RIMBP2: variants seen among roughly 807,000 people sequenced by gnomAD.
The protein encoded by RIMBP2 is RIMS-binding protein 2.
Under a neutral mutation model 118.6 loss-of-function variants are expected in RIMBP2, and 48 were observed. That is an observed-to-expected ratio of 0.40 (90% CI 0.32 to 0.51). The LOEUF is 0.51. Among genes scored for constraint, RIMBP2 ranks in the 20% least tolerant of loss-of-function variants. The pLI is 0.41. For missense variants in RIMBP2, 1,551 were observed against 1,768.3 expected, an observed-to-expected ratio of 0.88 and a Z score of 2.20; for synonymous variants, 762 against 742.9, an observed-to-expected ratio of 1.03 and a Z score of -0.42.
chr12:130,612,811 A>ACAC (rs1172382580), intron 2 of RIMBP2, among the ~76,000 whole-genome samples: 1 of 152,152 alleles, frequency 6.6e-6, no homozygotes, highest in Non-Finnish European at 1.5e-5. Context: ...CATCCGGGTG[A>ACAC]AGCAAGGTAC....
At chr12:130,480,411 GC>G (rs1435120666) in intron 4 of RIMBP2, among the ~76,000 whole-genome samples, 1 of 152,150 alleles carries the variant, frequency 6.6e-6, no homozygotes, top group Admixed American at 6.5e-5. Flanking sequence ...CCACGGGCCT[GC>G]CCCCCATGTC....
At chr12:130,401,805 G>C (rs970174853) in intron 21 of RIMBP2, among the ~76,000 whole-genome samples, 1 of 152,106 alleles carries the variant, frequency 6.6e-6, no homozygotes, top group East Asian at 1.9e-4. Context: ...TTCTCTGCCA[G>C]CCTTAGAAAA....
intron 2 of RIMBP2, among the ~76,000 whole-genome samples, chr12:130,614,029 G>A (rs996479575): frequency 6.6e-6 from 1 of 152,108 alleles, no homozygotes; most frequent in Non-Finnish European, 1.5e-5. Flanking sequence ...AGCCAGCCCC[G>A]TCTCTGCAGG....
intron 1 of RIMBP2, among the ~76,000 whole-genome samples, chr12:130,654,836 AAG>A (rs1414597754): frequency 6.6e-6 from 1 of 152,202 alleles, no homozygotes; most frequent in African/African-American, 2.4e-5. Flanking sequence ...GTGGAAGACA[AAG>A]AGGAGCCAGC....
intron 1 of RIMBP2, among the ~76,000 whole-genome samples, chr12:130,696,795 C>T (rs1180271340): frequency 2.0e-5 from 3 of 152,180 alleles, no homozygotes; most frequent in African/African-American, 7.2e-5. Flanking sequence ...TTTGAGAAGC[C>T]GCTTAAACCT....
At chr12:130,462,907 G>A (rs2080131920) in intron 6 of RIMBP2, among the ~76,000 whole-genome samples, 1 of 152,190 alleles carries the variant, frequency 6.6e-6, no homozygotes, top group Non-Finnish European at 1.5e-5. Flanking sequence ...TGGAACAGGG[G>A]CACAGCCTCC....
intron 11 of RIMBP2, among the ~76,000 whole-genome samples, chr12:130,439,704 T>G (rs1272172415): frequency 1.7e-5 from 2 of 114,844 alleles, no homozygotes; most frequent in Non-Finnish European, 3.5e-5. Context: ...CGTGGGTCTG[T>G]GGGGGTGTCG....
chr12:130,508,533 C>A (rs1189278835), intron 3 of RIMBP2, among the ~76,000 whole-genome samples: 1 of 151,826 alleles, frequency 6.6e-6, no homozygotes, highest in Non-Finnish European at 1.5e-5. Flanking sequence ...GGTCTGGCTC[C>A]TTCTCATTAG....
At chr12:130,604,470 TC>T (rs1436811352) in intron 2 of RIMBP2, among the ~76,000 whole-genome samples, 2 of 112,664 alleles carry the variant, frequency 1.8e-5, no homozygotes, top group Non-Finnish European at 3.5e-5. Flanking sequence ...ACATTCACTC[TC>T]CACTCACTCA....
Position 130,450,605 on chromosome 12 carries a change from G to T in RIMBP2, c.505-329C>A, listed in dbSNP as rs2078918074. Reference sequence around the variant, plus strand: ...AGCGGCGTGGCCTTTTCTCATAGGGGTGGGGGTAAAATTAAGCAGTATGTG... The same window carrying T: ...AGCGGCGTGGCCTTTTCTCATAGGGTTGGGGGTAAAATTAAGCAGTATGTG... On this transcript the variant is annotated intron_variant, in intron 8 of 22. Coordinates refer to ENST00000690449, the MANE Select transcript of RIMBP2 (RefSeq NM_001393629.1). The surrounding 1 kb of genome is among the most constrained non-coding windows in gnomAD (Gnocchi z 4.8). Among the ~76,000 whole-genome samples, 1 of 151,648 alleles carries T rather than the reference G, an allele frequency of 6.6e-6. No individual in the cohort carries two copies. Among genetic ancestry groups the T allele is most frequent in the Admixed American group, 6.6e-5 (1 of 15,208 alleles).
intron 6 of RIMBP2, among the ~76,000 whole-genome samples, chr12:130,457,375 G>T (rs1168278578): frequency 6.6e-6 from 1 of 152,156 alleles, no homozygotes. Flanking sequence ...ACAGGAAAGG[G>T]GTAGCCCAGC....
At chr12:130,471,448 C>T (rs61935948) in intron 5 of RIMBP2, among the ~76,000 whole-genome samples, 12,850 of 152,224 alleles carry the variant, frequency 0.084, 592 homozygotes, top group Middle Eastern at 0.13. Flanking sequence ...AAGGACCTGT[C>T]GTGTTTCAAT....
intron 1 of RIMBP2, among the ~76,000 whole-genome samples, chr12:130,682,415 G>A (rs977404858): frequency 8.5e-5 from 13 of 152,226 alleles, no homozygotes; most frequent in Admixed American, 6.5e-4. Flanking sequence ...GGAAATGAAC[G>A]GGCTGTGCTG....
chr12:130,452,798 C>T (rs572300086), intron 7 of RIMBP2, among the ~76,000 whole-genome samples: 32 of 152,172 alleles, frequency 2.1e-4, no homozygotes, highest in Admixed American at 5.2e-4. Context: ...CCTGACACCG[C>T]GCCACAGTGA....
chr12:130,607,320 C>T (rs61934650), intron 2 of RIMBP2, among the ~76,000 whole-genome samples: 18,838 of 152,106 alleles, frequency 0.12, 1,506 homozygotes, highest in Non-Finnish European at 0.19. Context: ...TGTTTCCAGG[C>T]GGGGAGAAAG....
At chr12:130,541,950 T>C (rs2054648952) in intron 2 of RIMBP2, among the ~76,000 whole-genome samples, 1 of 152,188 alleles carries the variant, frequency 6.6e-6, no homozygotes, top group African/African-American at 2.4e-5. Context: ...TTGGGCTGAG[T>C]GTTGGCAAGG....
intron 2 of RIMBP2, among the ~76,000 whole-genome samples, chr12:130,585,710 C>A (rs1369847299): frequency 1.3e-5 from 2 of 151,988 alleles, no homozygotes; most frequent in African/African-American, 4.8e-5. Context: ...AAAGATCTAG[C>A]AGCACTGAGC....
chr12:130,695,022 T>C (rs1005272252), intron 1 of RIMBP2, among the ~76,000 whole-genome samples: 4 of 152,232 alleles, frequency 2.6e-5, no homozygotes, highest in Admixed American at 1.3e-4. Flanking sequence ...GCTCCCATTA[T>C]GAACGCAAAT....
rs190157099 is a variant in RIMBP2, at chr12:130,524,792, G to C, written c.-216-6875C>G. Among the ~76,000 whole-genome samples, 14 of 152,330 alleles carry C rather than the reference G, an allele frequency of 9.2e-5. No individual in the cohort carries two copies. The East Asian group carries it at 2.5e-3, about 27-fold the overall frequency. On this transcript the variant is annotated intron_variant, in intron 2 of 22. Transcript: ENST00000690449. ...ATTATGGCAGCAGAAAGCAGAAAGA[G>C]GAAGGCGGGTACAGGAGTTATTAAA...
Sources: allele counts gnomAD v4.1 joint callset (sites outside exome capture counted in the v4.1 genomes callset), GRCh38; gene constraint gnomAD v4.1.1; non-coding constraint Gnocchi (gnomAD v3.1); transcripts MANE v1.5; gene names NCBI Gene and HGNC (gene_info 2026-07-23, HGNC 2026-07-21).